CDH13: variants seen among roughly 807,000 people sequenced by gnomAD.
CDH13 encodes cadherin 13, also known as cadherin-13.
CDH13 carries 24 observed loss-of-function variants against 63.8 expected under a neutral mutation model. The ratio of observed to expected loss-of-function variants is 0.38; its 90% CI spans 0.27 to 0.53. CDH13 has a LOEUF of 0.53. Ranked by LOEUF, CDH13 falls within the 20% of genes least tolerant of loss-of-function variation. The probability of loss-of-function intolerance (pLI) is 0.85; values close to 1 mark genes in which losing one functional copy is unlikely to be tolerated. For missense variants in CDH13, 1,049 were observed against 903.1 expected (o/e 1.16, Z -2.07); for synonymous variants, 503 against 355.3 (o/e 1.42, Z -4.67).
intron 5 of CDH13, among the ~76,000 whole-genome samples, chr16:83,237,834 G>T (rs1904277131): frequency 6.6e-6 from 1 of 152,184 alleles, no homozygotes; most frequent in Non-Finnish European, 1.5e-5. Context: ...GTGGAACTGG[G>T]CAAATAATAA....
At chr16:82,993,260 C>T (rs980811877) in intron 2 of CDH13, among the ~76,000 whole-genome samples, 6 of 152,084 alleles carry the variant, frequency 3.9e-5, no homozygotes, top group Non-Finnish European at 7.4e-5. Context: ...TTCCAGATGT[C>T]TTGGGCTCTC....
At chr16:83,765,166 T>G (rs1342820102) in intron 11 of CDH13, among the ~76,000 whole-genome samples, 1 of 152,198 alleles carries the variant, frequency 6.6e-6, no homozygotes, top group Non-Finnish European at 1.5e-5. Flanking sequence ...GCATTAGCGT[T>G]TCAAGAGCAG....
chr16:83,328,952 C>G (rs777573089), intron 5 of CDH13, among the ~76,000 whole-genome samples: 1 of 152,194 alleles, frequency 6.6e-6, no homozygotes, highest in Non-Finnish European at 1.5e-5. Context: ...GTCTTGTTCA[C>G]AGTAAGCAAG....
chr16:83,376,552 A>T (rs1466887736), intron 6 of CDH13, among the ~76,000 whole-genome samples: 1 of 152,184 alleles, frequency 6.6e-6, no homozygotes, highest in African/African-American at 2.4e-5. Context: ...ATTAGAAAAA[A>T]ATTATTCTGG....
intron 8 of CDH13, among the ~76,000 whole-genome samples, chr16:83,636,116 T>C (rs1911242201): frequency 6.6e-6 from 1 of 151,252 alleles, no homozygotes; most frequent in Non-Finnish European, 1.5e-5. Context: ...AAAAAAATCA[T>C]GTGGGTGCAG....
At chr16:83,463,370 C>T (rs898386448) in intron 6 of CDH13, among the ~76,000 whole-genome samples, 3 of 152,186 alleles carry the variant, frequency 2.0e-5, no homozygotes, top group African/African-American at 7.2e-5. Context: ...CAGGGACTGG[C>T]TGGGGGCTCG....
chr16:83,179,877 C>G (rs557000518), intron 4 of CDH13, among the ~76,000 whole-genome samples: 4 of 149,590 alleles, frequency 2.7e-5, no homozygotes, highest in Non-Finnish European at 4.4e-5. Flanking sequence ...ATATTCCTAT[C>G]AAAATAGGTT....
chr16:83,281,563 C>T (rs115577986), intron 5 of CDH13, among the ~76,000 whole-genome samples: 1 of 152,106 alleles, frequency 6.6e-6, no homozygotes, highest in Non-Finnish European at 1.5e-5. Flanking sequence ...CTGTTTGGTA[C>T]AAGAGGTCTG....
At chr16:82,686,928 G>A (rs1597323277) in intron 1 of CDH13, among the ~76,000 whole-genome samples, 1 of 152,174 alleles carries the variant, frequency 6.6e-6, no homozygotes, top group African/African-American at 2.4e-5. Context: ...AACATTGTCT[G>A]TTTTTCATCA....
At chr16:83,661,718 C>G (rs78428659) in intron 8 of CDH13, among the ~76,000 whole-genome samples, 1 of 152,186 alleles carries the variant, frequency 6.6e-6, no homozygotes, top group Non-Finnish European at 1.5e-5. Context: ...AGTACAGTCA[C>G]TGGAAGGTGG....
At position 83,240,002 on chromosome 16, in the gene CDH13, G is replaced by C. The variant is rs138192077; in HGVS notation, c.636+22505G>C. Among the ~76,000 whole-genome samples, 1,062 of 152,290 alleles carry C rather than the reference G, an allele frequency of 7.0e-3. 16 individuals carry two copies. The highest frequency in any genetic ancestry group is 0.024 in the African/African-American group (992 of 41,558). On this transcript the variant is annotated intron_variant, in intron 5 of 13. Transcript: ENST00000567109. ...CATGAGCTATACAAATATCTGTAAA[G>C]AGAGAAAGCCCCACAGGTGTACAGC...
chr16:83,675,819 T>C (rs1283101954), intron 9 of CDH13, among the ~76,000 whole-genome samples: 1 of 152,166 alleles, frequency 6.6e-6, no homozygotes, highest in African/African-American at 2.4e-5. Context: ...GAATGTTAGA[T>C]TTTTGCACAA....
At chr16:83,371,092 G>A (rs1289890499) in intron 6 of CDH13, among the ~76,000 whole-genome samples, 3 of 152,242 alleles carry the variant, frequency 2.0e-5, no homozygotes, top group Admixed American at 6.5e-5. Context: ...TAGTGGGAAT[G>A]TAAGTTAGTT....
At chr16:82,905,909 T>C (rs1002017472) in intron 2 of CDH13, among the ~76,000 whole-genome samples, 2 of 152,198 alleles carry the variant, frequency 1.3e-5, no homozygotes, top group Non-Finnish European at 2.9e-5. Context: ...GTTTCTCTCC[T>C]TTTTCTCTTT....
At chr16:82,647,870 A>T (rs1437840584) in intron 1 of CDH13, among the ~76,000 whole-genome samples, 1 of 152,066 alleles carries the variant, frequency 6.6e-6, no homozygotes, top group Non-Finnish European at 1.5e-5. Flanking sequence ...TCTCATCTTG[A>T]ATTATAGCTC....
rs143448148 is a variant in CDH13, at chr16:83,727,646, C to T, written c.1539-20462C>T. ...ATTTTATAAGCCGAGAATGTTAGTA[C>T]ATCAACATTAGAAGCCCTAAAAAAT... On this transcript the variant is annotated intron_variant, in intron 10 of 13. Transcript: ENST00000567109. Among the ~76,000 whole-genome samples the T allele has an allele frequency of 2.7e-3, 417 of 152,138 alleles. 1 individual carries two copies. The highest frequency in any genetic ancestry group is 4.2e-3 in the South Asian group (20 of 4,816).
At chr16:83,713,347 C>T (rs917078301) in intron 10 of CDH13, among the ~76,000 whole-genome samples, 11 of 152,180 alleles carry the variant, frequency 7.2e-5, no homozygotes, top group African/African-American at 2.4e-4. Flanking sequence ...CCACATTTTT[C>T]CAATGAGGTT....
intron 3 of CDH13, among the ~76,000 whole-genome samples, chr16:83,033,413 T>C (rs1022006271): frequency 2.0e-5 from 3 of 152,182 alleles, no homozygotes; most frequent in African/African-American, 7.2e-5. Context: ...TTCTGTTGTT[T>C]TGTTTTGTTT....
chr16:83,137,511 A>C (rs2036341268), intron 4 of CDH13, among the ~76,000 whole-genome samples: 1 of 152,228 alleles, frequency 6.6e-6, no homozygotes, highest in Admixed American at 6.5e-5. Context: ...TGACAAGCAA[A>C]AAACGGCTTT....
Sources: allele counts gnomAD v4.1 joint callset (sites outside exome capture counted in the v4.1 genomes callset), GRCh38; gene constraint gnomAD v4.1.1; transcripts MANE v1.5; gene names NCBI Gene and HGNC (gene_info 2026-07-23, HGNC 2026-07-21).